Variants in GALNT2 observed in about 807,000 individuals in gnomAD.
GALNT2 encodes the protein UDP-GalNAc:polypeptide N-acetylgalactosaminyltransferase 2.
GALNT2 carries 31 observed loss-of-function variants against 81.4 expected under a neutral mutation model. The observed-to-expected ratio is 0.38, with a 90% CI of 0.29 to 0.51. The LOEUF is 0.51. Ranked by LOEUF, GALNT2 falls within the 20% of genes least tolerant of loss-of-function variation. The pLI, the probability that GALNT2 is intolerant of heterozygous loss-of-function variation, is 0.87. For missense variants in GALNT2, 629 were observed against 765.7 expected (o/e 0.82, Z 2.11); for synonymous variants, 303 against 287.4 (o/e 1.05, Z -0.55).
Position 230,280,922 on chromosome 1 carries a change from T to C in GALNT2, c.*1464T>C, listed in dbSNP as rs1666421847. The C allele has an allele frequency of 6.6e-6, 1 of 152,246 alleles. No homozygotes were observed. The highest frequency in any genetic ancestry group is 2.4e-5 in the African/African-American group (1 of 41,422). The allele number at this position is 152,246 out of a possible 1,614,324, so 9.4% of individuals were successfully genotyped here. ...TGGCTTCTACCTGGGTGCTCAGGAATGTTCCTCGTCACCCCTGCCACTCTG... is the reference window on the plus strand; with the variant it reads ...TGGCTTCTACCTGGGTGCTCAGGAACGTTCCTCGTCACCCCTGCCACTCTG... On this transcript the variant is annotated 3_prime_UTR_variant, in exon 16 of 16. Transcript: ENST00000366672.
At chr1:230,209,294 T>A (rs1664160778) in intron 3 of GALNT2, among the ~76,000 whole-genome samples, 1 of 152,134 alleles carries the variant, frequency 6.6e-6, no homozygotes, top group Non-Finnish European at 1.5e-5. Flanking sequence ...CCAGAGTGAC[T>A]GTATTTGGAG....
At chr1:230,211,209 C>T (rs746364878) in intron 3 of GALNT2, among the ~76,000 whole-genome samples, 4 of 152,072 alleles carry the variant, frequency 2.6e-5, no homozygotes, top group African/African-American at 4.8e-5. Context: ...AGAGCTGGCC[C>T]GAGCACCCAC....
At chr1:230,268,512 T>G (rs1175045355) in intron 14 of GALNT2, 2 of 152,226 alleles carry the variant, frequency 1.3e-5, no homozygotes, top group African/African-American at 4.8e-5. Flanking sequence ...GCGACACACC[T>G]TACGCTACAG....
At chr1:230,258,336 T>C (rs559970425) in intron 11 of GALNT2, among the ~76,000 whole-genome samples, 1 of 152,104 alleles carries the variant, frequency 6.6e-6, no homozygotes, top group South Asian at 2.1e-4. Context: ...TTCAAGCGAC[T>C]CCCCTGCCTC....
intron 1 of GALNT2, among the ~76,000 whole-genome samples, chr1:230,084,321 G>A (rs1006726251): frequency 1.3e-5 from 2 of 152,168 alleles, no homozygotes; most frequent in African/African-American, 4.8e-5. Flanking sequence ...GCCGAGGAGG[G>A]GACCTGTGGG....
At chr1:230,250,030 G>C (rs899497548) in intron 9 of GALNT2, among the ~76,000 whole-genome samples, 2 of 152,198 alleles carry the variant, frequency 1.3e-5, no homozygotes, top group African/African-American at 4.8e-5. Context: ...TAGTGATAAT[G>C]AGAGCTGGTG....
chr1:230,192,982 G>A (rs771128620), intron 2 of GALNT2, among the ~76,000 whole-genome samples: 1 of 152,098 alleles, frequency 6.6e-6, no homozygotes, highest in Non-Finnish European at 1.5e-5. Context: ...TTTCTTTCAT[G>A]GTGTAGCATT....
At chr1:230,207,532 A>AT (rs1664099668) in intron 3 of GALNT2, among the ~76,000 whole-genome samples, 1 of 152,240 alleles carries the variant, frequency 6.6e-6, no homozygotes, top group Non-Finnish European at 1.5e-5. Flanking sequence ...GTGAAATACT[A>AT]AATACTATGT....
At chr1:230,194,138 A>G (rs1377259834) in intron 2 of GALNT2, among the ~76,000 whole-genome samples, 2 of 152,260 alleles carry the variant, frequency 1.3e-5, no homozygotes, top group Non-Finnish European at 2.9e-5. Context: ...AGGAAGTAGC[A>G]AAGCACAAAA....
At chr1:230,267,240 T>C (rs4846945) in intron 14 of GALNT2, among the ~76,000 whole-genome samples, 85,475 of 152,124 alleles carry the variant, frequency 0.56, 26,463 homozygotes, top group East Asian at 0.9. Context: ...GGAGGGTTTT[T>C]TACTTGGCAG....
chr1:230,090,436 C>T lies in GALNT2; in HGVS notation c.126+23030C>T, dbSNP rs141528122. Among the ~76,000 whole-genome samples the T allele has an allele frequency of 5.8e-4, 88 of 152,124 alleles. 2 individuals are homozygous for T. The highest frequency in any genetic ancestry group is 8.8e-4 in the Non-Finnish European group (60 of 68,026). ...GCCCCTCCACAGCCTCTGCAAATGC[C>T]GTGTGAAGGTGGTGGACCTGCTACC... On this transcript the variant is annotated intron_variant, in intron 1 of 15. Coordinates refer to ENST00000366672, the MANE Select transcript of GALNT2 (RefSeq NM_004481.5).
chr1:230,250,165 G>C (rs1665498845), intron 9 of GALNT2, among the ~76,000 whole-genome samples: 1 of 152,256 alleles, frequency 6.6e-6, no homozygotes, highest in Non-Finnish European at 1.5e-5. Flanking sequence ...CAGCATGTCA[G>C]TGAGTAGTGA....
chr1:230,185,776 A>G (rs1663314270), intron 2 of GALNT2, among the ~76,000 whole-genome samples: 1 of 152,246 alleles, frequency 6.6e-6, no homozygotes, highest in Non-Finnish European at 1.5e-5. Context: ...GTAGAGCTCC[A>G]GGAGGTAAAA....
intron 1 of GALNT2, among the ~76,000 whole-genome samples, chr1:230,123,325 C>T (rs1661077466): frequency 6.6e-6 from 1 of 152,332 alleles, no homozygotes; most frequent in Admixed American, 6.5e-5. Flanking sequence ...GAACATTATG[C>T]TGTTGTCTCT....
intron 9 of GALNT2, 23 bp downstream of exon 9, chr1:230,249,294 G>T: frequency 3.7e-6 from 6 of 1,605,950 alleles, no homozygotes; most frequent in Non-Finnish European, 5.1e-6. Flanking sequence ...ATCCTTCAGG[G>T]TGCCCCTCCC....
chr1:230,210,289 AG>A (rs1664196474), intron 3 of GALNT2, among the ~76,000 whole-genome samples: 2 of 152,292 alleles, frequency 1.3e-5, no homozygotes, highest in South Asian at 4.2e-4. Flanking sequence ...ATCAACCTTT[AG>A]GGGGGAAACC....
At chr1:230,222,269 G>T (rs561319841) in intron 3 of GALNT2, among the ~76,000 whole-genome samples, 1 of 151,774 alleles carries the variant, frequency 6.6e-6, no homozygotes, top group Non-Finnish European at 1.5e-5. Flanking sequence ...CTCGTGATCC[G>T]CCCGCCTCGG....
intron 1 of GALNT2, among the ~76,000 whole-genome samples, chr1:230,142,301 C>T (rs1351849355): frequency 6.6e-6 from 1 of 152,172 alleles, no homozygotes; most frequent in Admixed American, 6.5e-5. Context: ...CATTCTTCCG[C>T]ACTTGGGCCA....
At chr1:230,139,467 G>A (rs1316183885) in intron 1 of GALNT2, among the ~76,000 whole-genome samples, 3 of 152,162 alleles carry the variant, frequency 2.0e-5, no homozygotes, top group East Asian at 1.9e-4. Flanking sequence ...CTCAGCCTCT[G>A]CCTTCAGCAA....
Sources: allele counts gnomAD v4.1 joint callset (sites outside exome capture counted in the v4.1 genomes callset), GRCh38; gene constraint gnomAD v4.1.1; transcripts MANE v1.5; gene names NCBI Gene and HGNC (gene_info 2026-07-23, HGNC 2026-07-21).